RYR3: variants seen among roughly 807,000 people sequenced by gnomAD.
RYR3 encodes ryanodine receptor 3, also known as brain ryanodine receptor-calcium release channel.
A neutral mutation model predicts 584.3 loss-of-function variants in RYR3; 207 were observed. The ratio of observed to expected loss-of-function variants is 0.35; its 90% CI spans 0.32 to 0.40. The LOEUF is 0.40. Among genes scored for constraint, RYR3 ranks in the 10% least tolerant of loss-of-function variants. RYR3 has a pLI of 1.00. For missense variants in RYR3, 5,616 were observed against 6,089.2 expected, an observed-to-expected ratio of 0.92 and a Z score of 2.59; for synonymous variants, 2,416 against 2,248.5, an observed-to-expected ratio of 1.07 and a Z score of -2.11.
Position 33,697,907 on chromosome 15 carries a change from T to C in RYR3, c.6160T>C (p.Tyr2054His). 1 of 1,613,136 alleles carries C rather than the reference T, an allele frequency of 6.2e-7. No individual in the cohort carries two copies. The highest frequency in any genetic ancestry group is 8.5e-7 in the Non-Finnish European group (1 of 1,179,084). ...AGACATAATGAACAACAAGGTGTTTTACCAGCATCCCAACCTCATGAGAGT... is the reference window on the plus strand; with the variant it reads ...AGACATAATGAACAACAAGGTGTTTCACCAGCATCCCAACCTCATGAGAGT... ...LGDIMNNKVFYQHPNLMRVLG... is the reference protein window; with the variant it reads ...LGDIMNNKVFHQHPNLMRVLG... Residue 2054 changes from tyrosine to histidine, a missense_variant, in exon 40 of 104, where the codon TAC becomes CAC. Physicochemically the swap from Tyr to His is moderately conservative, Grantham distance 83. This residue lies in a region of RYR3 where 1,280 missense variants were observed against 1,426.2 expected (regional missense o/e 0.90). Coordinates refer to ENST00000634891, the MANE Select transcript of RYR3 (RefSeq NM_001036.6).
intron 67 of RYR3, among the ~76,000 whole-genome samples, chr15:33,789,660 T>TATATA (rs1567175274): frequency 6.0e-4 from 5 of 8,316 alleles, no homozygotes; most frequent in Admixed American, 2.4e-3. Flanking sequence ...ATATATATAT[T>TATATA]TTTTTTTTTT....
At chr15:33,687,133 G>A (rs1330354379) in intron 38 of RYR3, among the ~76,000 whole-genome samples, 1 of 152,204 alleles carries the variant, frequency 6.6e-6, no homozygotes, top group Non-Finnish European at 1.5e-5. Flanking sequence ...AATTGTCCCT[G>A]TTTGCCAATG....
chr15:33,604,745 A>G lies in RYR3; in HGVS notation c.2164+1381A>G, dbSNP rs1185151043. On this transcript the variant is annotated intron_variant, in intron 18 of 103. Transcript: ENST00000634891. ...AGCTTCCCTTTGTTCTCATAGTGTTATCATGGAGCCACTGAGTCTGTGGCT... is the reference window on the plus strand; with the variant it reads ...AGCTTCCCTTTGTTCTCATAGTGTTGTCATGGAGCCACTGAGTCTGTGGCT... Among the ~76,000 whole-genome samples, 3 of 152,200 alleles carry G rather than the reference A, an allele frequency of 2.0e-5. No individual in the cohort carries two copies. In the East Asian group the frequency reaches 5.8e-4, roughly 29 times the overall value.
intron 70 of RYR3, among the ~76,000 whole-genome samples, chr15:33,809,603 C>CCT (rs1442786209): frequency 1.0e-4 from 13 of 125,436 alleles, no homozygotes; most frequent in East Asian, 9.7e-4. Context: ...GCATTGGATT[C>CCT]CTCTCTCTCT....
Position 33,633,014 on chromosome 15 carries a change from C to T in RYR3, c.2933C>T (p.Pro978Leu), listed in dbSNP as rs1294013048. ...LDLSDVKLLP[P>L]QEILVDKLAE... is the part of the protein sequence containing the mutation. ...TTGTCTGATGTGAAGCTGTTACCTCCTCAAGAAATTTTAGTGGATAAGCTT... is the reference window on the plus strand; with the variant it reads ...TTGTCTGATGTGAAGCTGTTACCTCTTCAAGAAATTTTAGTGGATAAGCTT... Residue 978 changes from proline to leucine, a missense_variant, in exon 24 of 104, where the codon CCT becomes CTT. Physicochemically the swap from Pro to Leu is moderately conservative, Grantham distance 98. This residue lies in a region of RYR3 where 1,284 missense variants were observed against 1,344.6 expected (regional missense o/e 0.95). Transcript: ENST00000634891. The T allele has an allele frequency of 6.2e-7, 1 of 1,614,002 alleles. No individual in the cohort carries two copies. Among genetic ancestry groups the T allele is most frequent in the Non-Finnish European group, 8.5e-7 (1 of 1,179,880 alleles).
At chr15:33,481,729 G>A (rs540122314) in intron 2 of RYR3, among the ~76,000 whole-genome samples, 5 of 151,046 alleles carry the variant, frequency 3.3e-5, no homozygotes, top group African/African-American at 4.9e-5. Context: ...TGACCCACCC[G>A]CCTCAGTCTC....
chr15:33,539,304 A>C (rs1248783249), intron 5 of RYR3, 46 bp from the exon 6 acceptor site: 23 of 1,268,268 alleles, frequency 1.8e-5, no homozygotes, highest in Non-Finnish European at 2.6e-5. Context: ...AATTAGGGAC[A>C]CTGGCTTCTG....
At chr15:33,816,524 G>A (rs774680352) in intron 74 of RYR3, among the ~76,000 whole-genome samples, 5 of 152,186 alleles carry the variant, frequency 3.3e-5, no homozygotes, top group Non-Finnish European at 7.3e-5. Context: ...GCCATATGAA[G>A]CAAATACTTC....
chr15:33,736,753 CTTT>C lies in RYR3; in HGVS notation c.7515+435_7515+437del, dbSNP rs373773303. Among the ~76,000 whole-genome samples, 215 of 149,106 alleles carry C rather than the reference CTTT, an allele frequency of 1.4e-3. 3 individuals carry two copies. Among genetic ancestry groups the C allele is most frequent in the African/African-American group, 4.9e-3 (201 of 40,644 alleles). On this transcript the variant is annotated intron_variant, in intron 49 of 103. Coordinates refer to ENST00000634891, the MANE Select transcript of RYR3 (RefSeq NM_001036.6). Reference sequence around the variant, plus strand: ...ATCTTTTTTGTTTGTTTGTTTTCTACTTTTTTTTTAAATGAGATGGAGTCTTGC... The same window carrying C: ...ATCTTTTTTGTTTGTTTGTTTTCTACTTTTTTAAATGAGATGGAGTCTTGC...
intron 43 of RYR3, among the ~76,000 whole-genome samples, chr15:33,719,996 A>G (rs4780167): frequency 0.46 from 69,351 of 152,038 alleles, 16,658 homozygotes; most frequent in East Asian, 0.79. Context: ...ATTGTTTTTT[A>G]GTGTGTGATA....
In RYR3 at chr15:33,857,760, C is replaced by G. The variant is rs769719945; in HGVS notation, c.14008-20C>G. 6.2e-7 allele frequency: 1 copy of G among 1,613,552 alleles called. No homozygotes were observed. Among genetic ancestry groups the G allele is most frequent in the African/African-American group, 1.3e-5 (1 of 74,904 alleles). ...GAGAAGACCCCACTCCTTTTCCTTT[C>G]TCTGTCCTCTCATTCCCAGTTGGTT... On this transcript the variant is annotated intron_variant, in intron 98 of 103. Transcript: ENST00000634891.
intron 36 of RYR3, 80 bp from the exon 37 acceptor site, chr15:33,669,274 A>C: frequency 5.9e-6 from 6 of 1,021,096 alleles, no homozygotes; most frequent in Non-Finnish European, 8.7e-6. Context: ...AAAGAATGTA[A>C]GTGTCTGTCT....
At chr15:33,809,073 C>G (rs1044945232) in intron 70 of RYR3, among the ~76,000 whole-genome samples, 2 of 152,196 alleles carry the variant, frequency 1.3e-5, no homozygotes, top group African/African-American at 2.4e-5. Flanking sequence ...TTATGAAACT[C>G]TTTCGCCTTT....
intron 2 of RYR3, among the ~76,000 whole-genome samples, chr15:33,486,885 G>A (rs1407501825): frequency 6.6e-6 from 1 of 152,106 alleles, no homozygotes; most frequent in Admixed American, 6.6e-5. Context: ...AGAGTGAGAA[G>A]TGGTGCCCAG....
intron 27 of RYR3, among the ~76,000 whole-genome samples, chr15:33,639,720 T>C (rs1413515223): frequency 1.3e-5 from 2 of 152,168 alleles, no homozygotes; most frequent in Non-Finnish European, 2.9e-5. Context: ...CATGGCTGTT[T>C]TTACCTCTGG....
intron 11 of RYR3, among the ~76,000 whole-genome samples, chr15:33,564,733 G>T (rs1204261238): frequency 6.6e-6 from 1 of 152,136 alleles, no homozygotes; most frequent in Non-Finnish European, 1.5e-5. Context: ...TTGCATTGTT[G>T]ACTTACTGTG....
intron 1 of RYR3, among the ~76,000 whole-genome samples, chr15:33,456,002 C>T (rs776995454): frequency 5.9e-5 from 9 of 152,182 alleles, no homozygotes; most frequent in Non-Finnish European, 1.0e-4. Context: ...AATCACAAGA[C>T]ACTTTAAATA....
chr15:33,402,649 A>G (rs545419737), intron 1 of RYR3, among the ~76,000 whole-genome samples: 3 of 152,360 alleles, frequency 2.0e-5, no homozygotes, highest in South Asian at 4.1e-4. Flanking sequence ...ACATTTAAGC[A>G]CCAGCTTTGA....
intron 1 of RYR3, among the ~76,000 whole-genome samples, chr15:33,396,631 A>ATG (rs1376643874): frequency 3.3e-5 from 5 of 152,210 alleles, no homozygotes; most frequent in Non-Finnish European, 5.9e-5. Context: ...GCCTGTGTAC[A>ATG]AATCTAATGC....
Sources: allele counts gnomAD v4.1 joint callset (sites outside exome capture counted in the v4.1 genomes callset), GRCh38; gene constraint gnomAD v4.1.1; regional missense constraint gnomAD v4.1.1; transcripts MANE v1.5; gene names NCBI Gene and HGNC (gene_info 2026-07-23, HGNC 2026-07-21).